Variants in KCNAB2 observed in about 807,000 individuals in gnomAD.
The protein encoded by KCNAB2 is voltage-gated potassium channel subunit beta-2.
Under a neutral mutation model 63.6 loss-of-function variants are expected in KCNAB2, and 29 were observed. The ratio of observed to expected loss-of-function variants is 0.46; its 90% CI spans 0.34 to 0.62. The LOEUF is 0.62. KCNAB2 is among the 20% of genes least tolerant of loss of function. The pLI is 0.01. For synonymous variants in KCNAB2, 222 were observed against 224.2 expected (o/e 0.99, Z 0.09); for missense variants, 359 against 563.9 (o/e 0.64, Z 3.68).
chr1:6,035,823 G>A lies in KCNAB2; in HGVS notation c.-53+1029G>A, dbSNP rs1659993376. 6.6e-6 allele frequency: 1 copy of A among 152,522 alleles called. No individual in the cohort carries two copies. Among genetic ancestry groups the A allele is most frequent in the African/African-American group, 2.4e-5 (1 of 41,436 alleles). 9.4% of individuals were successfully genotyped at this position (152,522 alleles called of 1,614,324 possible). On this transcript the variant is annotated intron_variant, in intron 1 of 15. Coordinates refer to the KCNAB2 transcript ENST00000164247. The surrounding 1 kb of genome is among the most constrained non-coding windows in gnomAD (Gnocchi z 5.0). ...AGCCACGAGATGGGTGGAAATCTGA[G>A]GGGCTTTGTGGGGATGGAAAAGAAT...
chr1:6,098,241 A>C, intron 15 of KCNAB2: 2 of 1,267,538 alleles, frequency 1.6e-6, no homozygotes, highest in South Asian at 4.3e-5. Context: ...ACCCTTCAGG[A>C]AGGTTCTAGG....
chr1:6,053,379 G>C (rs1661547677), intron 2 of KCNAB2, among the ~76,000 whole-genome samples: 1 of 152,174 alleles, frequency 6.6e-6, no homozygotes, highest in Non-Finnish European at 1.5e-5. Context: ...CCATGGCCTG[G>C]GGGTGTGGGG....
intron 1 of KCNAB2, among the ~76,000 whole-genome samples, chr1:5,996,297 TG>T (rs1656933189): frequency 6.6e-6 from 1 of 152,192 alleles, no homozygotes; most frequent in Admixed American, 6.5e-5. Flanking sequence ...GAGCAGATGC[TG>T]GGCCCTCTTG....
intron 2 of KCNAB2, among the ~76,000 whole-genome samples, chr1:6,055,353 CTT>C (rs543532983): frequency 0.043 from 4,732 of 109,718 alleles, 57 homozygotes; most frequent in Non-Finnish European, 0.055. Flanking sequence ...AAGACAAACG[CTT>C]TTTTTTTTTT....
At position 6,060,798 on chromosome 1, in the gene KCNAB2, G is replaced by A. The variant is rs376616978; in HGVS notation, c.218+9044G>A. ...CGTGCCTGTAGTCTCAGCTACTCAG[G>A]TGGCTGAGGCAGGAGAATTGCTTGA... On this transcript the variant is annotated intron_variant, in intron 2 of 15. Transcript: ENST00000378083. 1.4e-3 allele frequency among the ~76,000 whole-genome samples: 217 copies of A among 151,658 alleles called. 1 individual carries two copies. The highest frequency in any genetic ancestry group is 5.1e-3 in the African/African-American group (211 of 41,258).
At chr1:6,092,771 T>C (rs1215118079) in intron 10 of KCNAB2, among the ~76,000 whole-genome samples, 1 of 150,470 alleles carries the variant, frequency 6.6e-6, no homozygotes, top group Non-Finnish European at 1.5e-5. Flanking sequence ...TCAGACTCCC[T>C]CCCAGATCTC....
intron 4 of KCNAB2, 23 bp from the exon 5 acceptor site, chr1:6,082,172 C>T (rs757913519): frequency 6.2e-7 from 1 of 1,607,440 alleles, no homozygotes; most frequent in South Asian, 1.1e-5. Flanking sequence ...GCTGGCAGGA[C>T]AGTGTCGGTT....
intron 10 of KCNAB2, among the ~76,000 whole-genome samples, chr1:6,091,576 G>A (rs1039849011): frequency 4.0e-5 from 6 of 150,746 alleles, no homozygotes; most frequent in Non-Finnish European, 7.4e-5. Context: ...TGAGCTCCGC[G>A]GCGGCCGGGG....
At position 6,078,662 on chromosome 1, in the gene KCNAB2, C is replaced by T. The variant is rs1334248973; in HGVS notation, c.301-3533C>T. Among the ~76,000 whole-genome samples the T allele has an allele frequency of 6.6e-6, 1 of 152,132 alleles. No homozygotes were observed. Among genetic ancestry groups the T allele is most frequent in the Non-Finnish European group, 1.5e-5 (1 of 68,014 alleles). On this transcript the variant is annotated intron_variant, in intron 4 of 15. Coordinates refer to ENST00000378083, the MANE Select transcript of KCNAB2 (RefSeq NM_001199862.2). This position sits in a 1 kb window ranked among gnomAD's most constrained non-coding sequence, Gnocchi z 4.2. ...TTGACCCTCTGCGAGATGGAAGCCC[C>T]TGGAGGGCTTTTGCATGGAGGAAAT...
chr1:6,078,503 T>C lies in KCNAB2; in HGVS notation c.301-3692T>C, dbSNP rs1314409134. Among the ~76,000 whole-genome samples, 1 of 151,728 alleles carries C rather than the reference T, an allele frequency of 6.6e-6. No individual in the cohort carries two copies. Among genetic ancestry groups the C allele is most frequent in the Non-Finnish European group, 1.5e-5 (1 of 67,970 alleles). ...AGCAGAAGCGAGCAAGGACGCCACG[T>C]GGTGGTCCAGAGAAAGAGCCTTCGG... On this transcript the variant is annotated intron_variant, in intron 4 of 15. Coordinates refer to ENST00000378083, the MANE Select transcript of KCNAB2 (RefSeq NM_001199862.2). The surrounding 1 kb of genome is among the most constrained non-coding windows in gnomAD (Gnocchi z 4.2).
At chr1:6,025,660 C>T (rs1659101212) in intron 1 of KCNAB2, among the ~76,000 whole-genome samples, 1 of 152,238 alleles carries the variant, frequency 6.6e-6, no homozygotes, top group South Asian at 2.1e-4. Flanking sequence ...GCAGAGCCTG[C>T]CCTGGGCTTC....
At chr1:6,085,549 C>CA (rs896633827) in intron 6 of KCNAB2, among the ~76,000 whole-genome samples, 26 of 152,070 alleles carry the variant, frequency 1.7e-4, no homozygotes, top group Non-Finnish European at 7.4e-5. Flanking sequence ...AGTGTCAGGC[C>CA]AAAAAGAGCT....
At position 6,098,492 on chromosome 1, in the gene KCNAB2, C is replaced by A. The variant is rs767966366; in HGVS notation, c.1166C>A (p.Pro389Gln). ...TGTTGTTCTTGCACGCAGGTCCTTC[C>A]GAAACTGTCATCTTCCATTATCCAC... ...MENIGAIQVLPKLSSSIIHEI... is the reference protein window; with the variant it reads ...MENIGAIQVLQKLSSSIIHEI... The change falls in exon 16 of 16, where the codon CCG becomes CAG. Residue 389 changes from proline (P) to glutamine (Q), a missense_variant. This residue lies in a region of KCNAB2 where 271 missense variants were observed against 476.1 expected (regional missense o/e 0.57). Transcript: ENST00000378083. 3 of 1,613,878 alleles carry A rather than the reference C, an allele frequency of 1.9e-6. No homozygotes were observed. Among genetic ancestry groups the A allele is most frequent in the Non-Finnish European group, 2.5e-6 (3 of 1,179,926 alleles).
At chr1:6,002,181 C>T (rs1657296820) in intron 1 of KCNAB2, among the ~76,000 whole-genome samples, 2 of 152,244 alleles carry the variant, frequency 1.3e-5, no homozygotes, top group Admixed American at 1.3e-4. Flanking sequence ...TTTCATCTCC[C>T]CTGGCCGTGG....
Position 6,089,017 on chromosome 1 carries a change from G to A in KCNAB2, c.480G>A (p.Thr160=), listed in dbSNP as rs201442920. ...TCGGCCTGTTTTCCAGGGCGGAGAC[G>A]GAGCGGGGCCTGTCCAGGAAGCACA... ...TKIFWGGKAE[T]ERGLSRKHII... The change falls in exon 8 of 16, where the codon ACG becomes ACA. Residue 160 remains threonine (T), a synonymous_variant. Coordinates refer to ENST00000378083, the MANE Select transcript of KCNAB2 (RefSeq NM_001199862.2). 1.8e-5 allele frequency: 28 copies of A among 1,548,242 alleles called. No homozygotes were observed. The highest frequency in any genetic ancestry group is 1.4e-4 in the Admixed American group (7 of 50,610).
intron 2 of KCNAB2, among the ~76,000 whole-genome samples, chr1:6,066,001 A>G (rs561543079): frequency 6.6e-6 from 1 of 152,226 alleles, no homozygotes; most frequent in East Asian, 1.9e-4. Flanking sequence ...TTTCTTGGGG[A>G]CAGATGGCTC....
intron 2 of KCNAB2, among the ~76,000 whole-genome samples, chr1:6,066,622 G>GC (rs938832044): frequency 9.9e-5 from 15 of 152,160 alleles, no homozygotes; most frequent in East Asian, 9.7e-4. Flanking sequence ...GGGCCACAGG[G>GC]CCCCCCCAAC....
rs1571048599 is a variant in KCNAB2, at chr1:6,078,865, G to A, written c.301-3330G>A. ...GCCGCATTTCTGATCTCATGCTGATGCTGGCCCATGGACCACGCTTTGCCT... is the reference window on the plus strand; with the variant it reads ...GCCGCATTTCTGATCTCATGCTGATACTGGCCCATGGACCACGCTTTGCCT... On this transcript the variant is annotated intron_variant, in intron 4 of 15. Transcript: ENST00000378083. The surrounding 1 kb of genome is among the most constrained non-coding windows in gnomAD (Gnocchi z 4.2). Among the ~76,000 whole-genome samples the A allele has an allele frequency of 6.6e-6, 1 of 152,192 alleles. No individual in the cohort carries two copies. Among genetic ancestry groups the A allele is most frequent in the East Asian group, 1.9e-4 (1 of 5,188 alleles).
chr1:6,027,438 G>GGTAC (rs933036157), intron 1 of KCNAB2: 3 of 152,290 alleles, frequency 2.0e-5, no homozygotes, highest in African/African-American at 7.2e-5. Context: ...GCAGCACTGG[G>GGTAC]GTACCCACCA....
Sources: gnomAD v4.1 joint callset for allele counts (sites outside exome capture counted in the v4.1 genomes callset) on GRCh38, gnomAD v4.1.1 for gene constraint, gnomAD v4.1.1 regional missense constraint, Gnocchi (gnomAD v3.1) non-coding constraint, MANE v1.5 for transcripts, NCBI Gene and HGNC (gene_info 2026-07-23, HGNC 2026-07-21) for gene names.